Variants in ARHGAP10 observed in about 807,000 individuals in gnomAD.
ARHGAP10 encodes Rho GTPase activating protein 10.
Under a neutral mutation model 108.6 loss-of-function variants are expected in ARHGAP10, and 87 were observed. The ratio of observed to expected loss-of-function variants is 0.80; its 90% CI spans 0.67 to 0.96. ARHGAP10 has a LOEUF of 0.96. Among genes scored for constraint, ARHGAP10 ranks in the 40% least tolerant of loss-of-function variants. ARHGAP10 has a pLI of 0.00. For missense variants in ARHGAP10, 939 were observed against 954.5 expected (o/e 0.98, Z 0.21); for synonymous variants, 347 against 341.1 (o/e 1.02, Z -0.19).
At chr4:147,733,128 C>A (rs936630560) in intron 1 of ARHGAP10, among the ~76,000 whole-genome samples, 1 of 152,140 alleles carries the variant, frequency 6.6e-6, no homozygotes, top group African/African-American at 2.4e-5. Flanking sequence ...CTAGCCTAGG[C>A]GGGCACTGCT....
intron 19 of ARHGAP10, among the ~76,000 whole-genome samples, chr4:148,041,224 C>A (rs886181993): frequency 6.6e-6 from 1 of 152,128 alleles, no homozygotes; most frequent in South Asian, 2.1e-4. Flanking sequence ...CATGGGATAG[C>A]TTTGCTGATG....
chr4:148,022,645 TATAGATAGATCAAGG>T (rs1201156081), intron 18 of ARHGAP10, among the ~76,000 whole-genome samples: 11 of 152,194 alleles, frequency 7.2e-5, no homozygotes, highest in Non-Finnish European at 4.4e-5. Context: ...TGAATGACAT[TATAGATAGATCAAGG>T]TGCTAATATT....
chr4:147,868,776 G>A (rs780039039), intron 7 of ARHGAP10, among the ~76,000 whole-genome samples: 3 of 152,038 alleles, frequency 2.0e-5, no homozygotes, highest in African/African-American at 4.8e-5. Flanking sequence ...CTAGATCCAC[G>A]TGCGCAGTTC....
In ARHGAP10 at chr4:147,854,354, G is replaced by A. The variant is rs182132034; in HGVS notation, c.385-3199G>A. Among the ~76,000 whole-genome samples the A allele has an allele frequency of 3.9e-3, 592 of 152,252 alleles. 2 individuals carry two copies. The highest frequency in any genetic ancestry group is 0.014 in the African/African-American group (561 of 41,540). ...TCTCAAGAGGCAAAAATGTTCTGGC[G>A]CTGAGTAATGGCTGCCTTCTTCTCT... On this transcript the variant is annotated intron_variant, in intron 4 of 22. Coordinates refer to ENST00000336498, the MANE Select transcript of ARHGAP10 (RefSeq NM_024605.4).
At chr4:148,066,269 T>G (rs1729870713) in intron 22 of ARHGAP10, among the ~76,000 whole-genome samples, 1 of 152,180 alleles carries the variant, frequency 6.6e-6, no homozygotes, top group South Asian at 2.1e-4. Flanking sequence ...AATTTCTTCC[T>G]AGTTTACCCA....
intron 18 of ARHGAP10, 152 bp downstream of exon 18, chr4:147,966,991 G>A: frequency 1.5e-6 from 1 of 653,924 alleles, no homozygotes; most frequent in Non-Finnish European, 2.3e-6. Context: ...AGTTCTCATT[G>A]AGCTTCTGTC....
intron 1 of ARHGAP10, among the ~76,000 whole-genome samples, chr4:147,816,327 T>C (rs2126778585): frequency 6.6e-6 from 1 of 152,346 alleles, no homozygotes; most frequent in South Asian, 2.1e-4. Flanking sequence ...TGTTTGGTTG[T>C]CTGTCATGTG....
intron 19 of ARHGAP10, among the ~76,000 whole-genome samples, chr4:148,029,692 G>A (rs895565796): frequency 1.3e-5 from 2 of 152,080 alleles, no homozygotes; most frequent in East Asian, 1.9e-4. Context: ...CATTTCATGG[G>A]TGGGCTCTGG....
intron 1 of ARHGAP10, among the ~76,000 whole-genome samples, chr4:147,809,371 T>C (rs552516804): frequency 1.0e-3 from 153 of 152,352 alleles, no homozygotes; most frequent in African/African-American, 3.2e-3. Flanking sequence ...TTTTTCTTGA[T>C]CTTAAATTAG....
intron 19 of ARHGAP10, among the ~76,000 whole-genome samples, chr4:148,027,664 G>A (rs747182982): frequency 6.6e-6 from 1 of 152,134 alleles, no homozygotes; most frequent in African/African-American, 2.4e-5. Flanking sequence ...TGTCCTTTCA[G>A]CCTGAGTAAT....
intron 4 of ARHGAP10, among the ~76,000 whole-genome samples, chr4:147,847,710 T>C (rs890262759): frequency 1.1e-4 from 16 of 152,224 alleles, no homozygotes; most frequent in Admixed American, 1.0e-3. Context: ...AGTATTGTTA[T>C]GGTATTGTGC....
At chr4:147,911,518 A>G (rs1278980066) in intron 12 of ARHGAP10, among the ~76,000 whole-genome samples, 4 of 152,042 alleles carry the variant, frequency 2.6e-5, no homozygotes, top group Admixed American at 2.6e-4. Flanking sequence ...GCCCACCATC[A>G]CGCCCGGCTA....
chr4:147,938,477 C>A (rs1738039200), intron 13 of ARHGAP10, among the ~76,000 whole-genome samples: 1 of 152,172 alleles, frequency 6.6e-6, no homozygotes, highest in Admixed American at 6.5e-5. Context: ...CTGTGAGTTA[C>A]AATCTGTAGG....
chr4:147,829,095 A>G (rs1732842843), intron 3 of ARHGAP10, among the ~76,000 whole-genome samples: 1 of 148,936 alleles, frequency 6.7e-6, no homozygotes, highest in South Asian at 2.1e-4. Flanking sequence ...TCTGTTGCCC[A>G]GGCTGGAGTG....
chr4:147,826,681 C>G (rs66488204), intron 3 of ARHGAP10, among the ~76,000 whole-genome samples: 1 of 152,018 alleles, frequency 6.6e-6, no homozygotes, highest in East Asian at 1.9e-4. Flanking sequence ...CCTGTGATCC[C>G]TACTCCCCTT....
intron 16 of ARHGAP10, among the ~76,000 whole-genome samples, chr4:147,956,744 T>A (rs182533049): frequency 5.4e-4 from 81 of 149,408 alleles, no homozygotes; most frequent in African/African-American, 1.6e-3. Flanking sequence ...AAGGTTTTTT[T>A]TTTTCCTTTT....
chr4:147,796,845 C>T (rs1731337989), intron 1 of ARHGAP10, among the ~76,000 whole-genome samples: 1 of 152,174 alleles, frequency 6.6e-6, no homozygotes, highest in African/African-American at 2.4e-5. Flanking sequence ...TTCTGGAATG[C>T]TAGTACTGGC....
intron 5 of ARHGAP10, chr4:147,861,893 G>GT (rs990294035): frequency 2.0e-5 from 3 of 152,232 alleles, no homozygotes; most frequent in African/African-American, 4.8e-5. Context: ...AAAAAGCACC[G>GT]TAAGTTTTCA....
intron 3 of ARHGAP10, among the ~76,000 whole-genome samples, chr4:147,843,344 C>A (rs1212297412): frequency 6.6e-6 from 1 of 152,208 alleles, no homozygotes; most frequent in Non-Finnish European, 1.5e-5. Flanking sequence ...GTCATCCTCT[C>A]TCTCTACTGC....
Sources: gnomAD v4.1 joint callset for allele counts (sites outside exome capture counted in the v4.1 genomes callset) on GRCh38, gnomAD v4.1.1 for gene constraint, MANE v1.5 for transcripts, NCBI Gene and HGNC (gene_info 2026-07-23, HGNC 2026-07-21) for gene names.